COL4A4: variants seen among roughly 807,000 people sequenced by gnomAD.
The protein encoded by COL4A4 is collagen alpha-4(IV) chain.
In COL4A4, 105 loss-of-function variants were observed where a neutral mutation model predicts 192.9. That is an observed-to-expected ratio of 0.54 (90% CI 0.46 to 0.64). The LOEUF is 0.64. COL4A4 is among the 30% of genes least tolerant of loss of function. The pLI is 0.00. For synonymous variants in COL4A4, 762 were observed against 769.9 expected (o/e 0.99, Z 0.17); for missense variants, 1,967 against 2,169.3 (o/e 0.91, Z 1.85).
At chr2:227,129,898 T>C (rs548967016) in intron 4 of COL4A4, among the ~76,000 whole-genome samples, 1 of 152,348 alleles carries the variant, frequency 6.6e-6, no homozygotes, top group Admixed American at 6.5e-5. Context: ...TGAGTCTCAT[T>C]ATTCTTAATC....
the COL4A4 span, among the ~76,000 whole-genome samples, chr2:226,970,899 A>T: frequency 6.6e-6 from 1 of 152,130 alleles, no homozygotes; most frequent in Non-Finnish European, 1.5e-5. Flanking sequence ...GTGGACTTTT[A>T]CTTTTGAAAG....
At chr2:227,108,536 C>A (rs749098434) in intron 12 of COL4A4, 45 bp downstream of exon 12, 4 of 1,583,102 alleles carry the variant, frequency 2.5e-6, no homozygotes, top group Non-Finnish European at 3.5e-6. Flanking sequence ...CTGAGCAGCA[C>A]ACACACGTCA....
At chr2:227,059,657 A>C in intron 27 of COL4A4, 34 bp from the exon 28 acceptor site, 1 of 1,511,860 alleles carries the variant, frequency 6.6e-7, no homozygotes, top group Non-Finnish European at 9.2e-7. Flanking sequence ...TTTAATGATA[A>C]CATGTGCAAG....
rs762409067 is a variant in COL4A4 at position 227,054,731 on chromosome 2, C to T, written c.2723G>A (p.Arg908Gln). ...AAAACCTGGGAAACCAGGCAGCCCC[C>T]GGGGTCCTGGTGAAATGAGAGCATA... The part of the protein sequence containing the change: ...LPGPPGPKGP[R>Q]GLPGFPGFPG... Residue 908 changes from arginine to glutamine, a missense_variant, in exon 31 of 48, where the codon CGG (arginine) becomes CAG (glutamine). Transcript: ENST00000396625. 54 of 1,613,780 alleles carry T rather than the reference C, an allele frequency of 3.3e-5. No individual in the cohort carries two copies. The highest frequency in any genetic ancestry group is 2.2e-5 in the East Asian group (1 of 44,884).
chr2:227,030,272 T>C (rs1967993275), intron 41 of COL4A4, among the ~76,000 whole-genome samples, 171 bp downstream of exon 41: 1 of 152,210 alleles, frequency 6.6e-6, no homozygotes, highest in Non-Finnish European at 1.5e-5. Flanking sequence ...TTCTTCCTTT[T>C]ACTTGTCCAA....
In COL4A4 at chr2:227,057,686, GGA is replaced by G. The variant is rs61412063; in HGVS notation, c.2384-88_2384-87del. On this transcript the variant is annotated intron_variant, in intron 28 of 47. Transcript: ENST00000396625. ...TGAATTGTTCACGCATATCAATACT[GGA>G]GGTGAACATTTTCATCCTGAATCAG... The G allele has an allele frequency of 5.0e-3, 6,735 of 1,352,586 alleles. 225 individuals carry two copies. In the African/African-American group the frequency reaches 0.084, roughly 17 times the overall value. The allele number at this position is 1,352,586 out of a possible 1,614,324, so 83.8% of individuals were successfully genotyped here.
At chr2:227,057,837 C>T (rs567305117) in intron 28 of COL4A4, among the ~76,000 whole-genome samples, 4 of 152,346 alleles carry the variant, frequency 2.6e-5, no homozygotes, top group South Asian at 4.1e-4. Flanking sequence ...CTGCAGTTGC[C>T]TATGCAAATA....
chr2:227,027,637 A>T (rs1439603964), intron 42 of COL4A4, among the ~76,000 whole-genome samples: 1 of 115,772 alleles, frequency 8.6e-6, no homozygotes, highest in Non-Finnish European at 1.8e-5. Context: ...GTATAATAAA[A>T]AATATATATA....
intron 7 of COL4A4, among the ~76,000 whole-genome samples, chr2:227,114,905 A>G (rs1214007315): frequency 1.3e-5 from 2 of 152,216 alleles, no homozygotes; most frequent in South Asian, 2.1e-4. Context: ...CTGTTAAGGA[A>G]TCTTCTAAGA....
At chr2:227,097,305 G>A (rs570004378) in intron 19 of COL4A4, among the ~76,000 whole-genome samples, 1 of 152,292 alleles carries the variant, frequency 6.6e-6, no homozygotes, top group East Asian at 1.9e-4. Context: ...TAAAAGAAAT[G>A]AATGGGATAG....
chr2:227,018,177 GT>G (rs1387913997), intron 44 of COL4A4, among the ~76,000 whole-genome samples: 1 of 152,160 alleles, frequency 6.6e-6, no homozygotes, highest in Non-Finnish European at 1.5e-5. Context: ...CTGTCCTGCA[GT>G]TCTCCACACT....
At chr2:226,992,121 A>G in the COL4A4 span, among the ~76,000 whole-genome samples, 1 of 152,340 alleles carries the variant, frequency 6.6e-6, no homozygotes, top group African/African-American at 2.4e-5. Flanking sequence ...GTAGTAGATC[A>G]TATGACACAA....
chr2:227,091,071 G>C (rs2059893610), intron 20 of COL4A4, among the ~76,000 whole-genome samples: 2 of 151,760 alleles, frequency 1.3e-5, no homozygotes, highest in Non-Finnish European at 1.5e-5. Context: ...AGCAGGGAAA[G>C]AAAATAGACC....
chr2:226,984,550 G>A, the COL4A4 span, among the ~76,000 whole-genome samples: 20 of 152,272 alleles, frequency 1.3e-4, no homozygotes, highest in African/African-American at 4.8e-4. Flanking sequence ...GGACTTCAAC[G>A]TATGGATTTT....
At chr2:227,030,102 T>C (rs543482490) in intron 41 of COL4A4, among the ~76,000 whole-genome samples, 1 of 151,586 alleles carries the variant, frequency 6.6e-6, no homozygotes, top group South Asian at 2.1e-4. Flanking sequence ...ATATATTATG[T>C]TAAATCACAT....
At chr2:227,147,162 A>T (rs1187694621) in intron 2 of COL4A4, 1 of 611,606 alleles carries the variant, frequency 1.6e-6, no homozygotes, top group African/African-American at 1.8e-5. Context: ...CTAGTGAGTA[A>T]GCGAGCAAGA....
intron 27 of COL4A4, 71 bp from the exon 28 acceptor site, chr2:227,059,694 C>T (rs766094437): frequency 6.7e-5 from 76 of 1,134,990 alleles, no homozygotes; most frequent in Non-Finnish European, 9.6e-5. Context: ...ATAAGACTTA[C>T]TTTGATAAAA....
At position 227,056,082 on chromosome 2, in the gene COL4A4, A is replaced by G. The variant is rs776182609; in HGVS notation, c.2579T>C (p.Val860Ala). The G allele has an allele frequency of 1.2e-6, 2 of 1,613,928 alleles. No homozygotes were observed. Among genetic ancestry groups the G allele is most frequent in the African/African-American group, 1.3e-5 (1 of 74,902 alleles). The change falls in exon 30 of 48, where the codon GTG becomes GCG. Residue 860 changes from valine (V) to alanine (A), a missense_variant. Val to Ala is a moderately conservative substitution (Grantham distance 64). Coordinates refer to ENST00000396625, the MANE Select transcript of COL4A4 (RefSeq NM_000092.5). ...APGGKGQPGD[V>A]GPPGPAGMKG... ...CATTCCAGCTGGCCCGGGAGGCCCC[A>G]CATCTCCCGGCTGTCCTTTCCCACC...
At chr2:227,049,598 C>A (rs2150167609) in intron 34 of COL4A4, among the ~76,000 whole-genome samples, 1 of 152,372 alleles carries the variant, frequency 6.6e-6, no homozygotes, top group Non-Finnish European at 1.5e-5. Flanking sequence ...CTTGGGACTT[C>A]TTAAGTGAAC....
Sources: allele counts gnomAD v4.1 joint callset (sites outside exome capture counted in the v4.1 genomes callset), GRCh38; gene constraint gnomAD v4.1.1; transcripts MANE v1.5; gene names NCBI Gene and HGNC (gene_info 2026-07-23, HGNC 2026-07-21).